Variants in AHNAK2 observed in about 807,000 individuals in gnomAD.
AHNAK2 encodes AHNAK nucleoprotein 2.
A neutral mutation model predicts 30.7 loss-of-function variants in AHNAK2; 18 were observed. That is an observed-to-expected ratio of 0.59 (90% CI 0.41 to 0.87). The LOEUF (loss-of-function observed/expected upper bound fraction) is 0.87. AHNAK2 is among the 40% of genes least tolerant of loss of function. AHNAK2 has a pLI of 0.00. For missense variants in AHNAK2, 8,604 were observed against 7,373.0 expected (o/e 1.17, Z -6.11); for synonymous variants, 3,590 against 3,073.8 (o/e 1.17, Z -5.56).
In AHNAK2 at chr14:104,944,193, G is replaced by C. The variant is rs1462925875; in HGVS notation, c.11258C>G (p.Ser3753Cys). The stretch of plus-strand genomic sequence containing the variant: ...ATCAGGGGCTGTGACTTCCGCCTTG[G>C]AGACTTTTAGGTCCAGCTTGGGGCC... ...IKGPKLDLKV[S>C]KAEVTAPDVE... is the part of the protein sequence containing the mutation. Residue 3753 changes from serine (S) to cysteine (C), a missense_variant, in exon 7 of 7, where the codon TCC becomes TGC. Physicochemically the swap from Ser to Cys is moderately radical, Grantham distance 112. Coordinates refer to ENST00000333244, the MANE Select transcript of AHNAK2 (RefSeq NM_138420.4). 2 of 1,613,158 alleles carry C rather than the reference G, an allele frequency of 1.2e-6. No individual in the cohort carries two copies. The highest frequency in any genetic ancestry group is 1.7e-6 in the Non-Finnish European group (2 of 1,179,656).
Position 104,954,048 on chromosome 14 carries a change from C to T in AHNAK2, c.1403G>A (p.Arg468Lys), listed in dbSNP as rs764057938. The part of the protein sequence containing the change: ...LEIGIARLSL[R>K]DTTEGGTQIG... ...CTGTGTGCCTCCTTCGGTTGTGTCT[C>T]TCAAGGACAGTCTGGCGATCCCGAT... The change falls in exon 7 of 7, where the codon AGA becomes AAA. Residue 468 changes from arginine (R) to lysine (K), a missense_variant. Coordinates refer to ENST00000333244, the MANE Select transcript of AHNAK2 (RefSeq NM_138420.4). The surrounding 1 kb of genome is among the most constrained non-coding windows in gnomAD (Gnocchi z 4.3). 5 of 1,613,462 alleles carry T rather than the reference C, an allele frequency of 3.1e-6. No individual in the cohort carries two copies. The South Asian group carries it at 5.5e-5, about 18-fold the overall frequency.
intron 1 of AHNAK2, among the ~76,000 whole-genome samples, chr14:104,972,635 T>C (rs1460336639): frequency 1.3e-5 from 2 of 152,204 alleles, no homozygotes; most frequent in Non-Finnish European, 2.9e-5. Context: ...GCGGCCAGTG[T>C]GGTCCGCCAA....
rs1897840106 is a variant in AHNAK2 at position 104,937,495 on chromosome 14, A to G, written c.*568T>C. ...ACTGGCCATCACCCTTTTGCCCAGCATGTGTGCATTGTCACCCAAAACATC... is the reference window on the plus strand; with the variant it reads ...ACTGGCCATCACCCTTTTGCCCAGCGTGTGTGCATTGTCACCCAAAACATC... On this transcript the variant is annotated 3_prime_UTR_variant, in exon 7 of 7. Transcript: ENST00000333244. The G allele has an allele frequency of 6.6e-6, 1 of 152,354 alleles. No homozygotes were observed. The highest frequency in any genetic ancestry group is 2.4e-5 in the African/African-American group (1 of 41,318). 9.4% of individuals were successfully genotyped at this position (152,354 alleles called of 1,614,324 possible).
chr14:104,947,093 C>T lies in AHNAK2; in HGVS notation c.8358G>A (p.Pro2786=), dbSNP rs779137823. 52 of 1,612,304 alleles carry T rather than the reference C, an allele frequency of 3.2e-5. No individual in the cohort carries two copies. The Admixed American group carries it at 4.5e-4, about 14-fold the overall frequency. ...GCCGCGCACCATCCAGCTTTGCTCT[C>T]GGGGCCTGGACGTCCACCTCCATGC... ...LSSMEVDVQA[P]RAKLDGARLE... Residue 2786 remains proline (P), a synonymous_variant, in exon 7 of 7, where the codon CCG becomes CCA. Coordinates refer to ENST00000333244, the MANE Select transcript of AHNAK2 (RefSeq NM_138420.4).
chr14:104,946,108 C>T lies in AHNAK2; in HGVS notation c.9343G>A (p.Ala3115Thr), dbSNP rs779220489. ...GCACCATCCAACTTGGCTCCTGGGG[C>T]CTCGACATCCACCTCCATGCCGGGC... ...SQPGMEVDVE[A>T]PGAKLDGARL... The change falls in exon 7 of 7, where the codon GCC (alanine) becomes ACC (threonine). Residue 3115 changes from alanine (A) to threonine (T), a missense_variant. Coordinates refer to ENST00000333244, the MANE Select transcript of AHNAK2 (RefSeq NM_138420.4). The T allele has an allele frequency of 1.7e-5, 28 of 1,611,728 alleles. No homozygotes were observed. The South Asian group carries it at 3.1e-4, about 18-fold the overall frequency.
chr14:104,978,162 T>C lies in AHNAK2; in HGVS notation c.55+21A>G, dbSNP rs377297343. 6.5e-4 allele frequency: 788 copies of C among 1,209,850 alleles called. 3 individuals are homozygous for C. In the African/African-American group the frequency reaches 0.012, roughly 18 times the overall value. The allele number at this position is 1,209,850 out of a possible 1,614,324, so 74.9% of individuals were successfully genotyped here. On this transcript the variant is annotated intron_variant, in intron 1 of 6. Transcript: ENST00000333244. ...GCCCACCCGCCCCAGGGGAGCGGGC[T>C]GCAGGCGGGGAGGGGCGCACCGCTG...
Position 104,941,981 on chromosome 14 carries a change from C to T in AHNAK2, c.13470G>A (p.Ala4490=), listed in dbSNP as rs140488260. The change falls in exon 7 of 7, where the codon GCG becomes GCA. Residue 4490 remains alanine (A), a synonymous_variant. Coordinates refer to ENST00000333244, the MANE Select transcript of AHNAK2 (RefSeq NM_138420.4). ...KSIEVSVDVS[A]PKMEADMSIP... Reference sequence around the variant, plus strand: ...TGCTCATGTCGGCCTCCATCTTTGGCGCAGACACATCCACCGAGACCTCGA... The same window carrying T: ...TGCTCATGTCGGCCTCCATCTTTGGTGCAGACACATCCACCGAGACCTCGA... 611 of 1,612,682 alleles carry T rather than the reference C, an allele frequency of 3.8e-4. 2 individuals are homozygous for T. The African/African-American group carries it at 3.8e-3, about 10-fold the overall frequency.
chr14:104,976,083 G>A (rs1040511448), intron 1 of AHNAK2, among the ~76,000 whole-genome samples: 4 of 152,298 alleles, frequency 2.6e-5, no homozygotes, highest in East Asian at 1.9e-4. Flanking sequence ...AGGCCACACC[G>A]GGGCAGCAGG....
Position 104,948,041 on chromosome 14 carries a change from A to C in AHNAK2, c.7410T>G (p.Ser2470=). The C allele has an allele frequency of 6.2e-7, 1 of 1,609,004 alleles. No homozygotes were observed. ...LDGAWLEGDL[S]VADKDVTTKD... is the part of the protein sequence containing the mutation. ...TGGTAGTCACATCCTTGTCCGCCAC[A>C]GACAGGTCCCCCTCCAGCCACGCAC... Residue 2470 remains serine (S), a synonymous_variant, in exon 7 of 7, where the codon TCT becomes TCG. Coordinates refer to ENST00000333244, the MANE Select transcript of AHNAK2 (RefSeq NM_138420.4).
chr14:104,938,172 G>T lies in AHNAK2; in HGVS notation c.17279C>A (p.Ser5760Tyr). 6.2e-7 allele frequency: 1 copy of T among 1,613,886 alleles called. No individual in the cohort carries two copies. Residue 5760 changes from serine to tyrosine, a missense_variant, in exon 7 of 7, where the codon TCC (serine) becomes TAC (tyrosine). By Grantham distance (144) the Ser-to-Tyr change is moderately radical. Transcript: ENST00000333244. Reference protein sequence around the residue: ...LIGPVGTGLDSRVMVTSAART... With the variant: ...LIGPVGTGLDYRVMVTSAART... ...TGCCGCGGATGTCACCATCACTCTGGAGTCCAGCCCAGTGCCCACAGGCCC... is the reference window on the plus strand; with the variant it reads ...TGCCGCGGATGTCACCATCACTCTGTAGTCCAGCCCAGTGCCCACAGGCCC...
At position 104,938,156 on chromosome 14, in the gene AHNAK2, T is replaced by C; in HGVS notation, c.17295A>G (p.Thr5765=). ...GTGLDSRVMV[T]SAARTELILP... ...GGATTAACTCTGTTCTTGCCGCGGA[T>C]GTCACCATCACTCTGGAGTCCAGCC... Residue 5765 remains threonine, a synonymous_variant, in exon 7 of 7, where the codon ACA becomes ACG. Coordinates refer to ENST00000333244, the MANE Select transcript of AHNAK2 (RefSeq NM_138420.4). 2 of 1,613,990 alleles carry C rather than the reference T, an allele frequency of 1.2e-6. No individual in the cohort carries two copies. The highest frequency in any genetic ancestry group is 2.7e-5 in the African/African-American group (2 of 75,048).
In AHNAK2 at chr14:104,953,441, G is replaced by A. The variant is rs569679436; in HGVS notation, c.2010C>T (p.Thr670=). ...TGGGCATTTTGAACTTGCTGTCTTTGGTGGCCACTTCCTTTTCTGTCAGAA... is the reference window on the plus strand; with the variant it reads ...TGGGCATTTTGAACTTGCTGTCTTTAGTGGCCACTTCCTTTTCTGTCAGAA... The part of the protein sequence containing the change: ...EQILTEKEVA[T]KDSKFKMPKF... Residue 670 remains threonine, a synonymous_variant, in exon 7 of 7, where the codon ACC becomes ACT. Coordinates refer to ENST00000333244, the MANE Select transcript of AHNAK2 (RefSeq NM_138420.4). 1.9e-6 allele frequency: 3 copies of A among 1,614,010 alleles called. No individual in the cohort carries two copies. The highest frequency in any genetic ancestry group is 2.7e-5 in the African/African-American group (2 of 75,046).
Position 104,948,834 on chromosome 14 carries a change from A to T in AHNAK2, c.6617T>A (p.Leu2206His), listed in dbSNP as rs201552064. ...LKTTDLSIQP[L>H]SADVKVQAGQ... ...AGCCTGGACCTTCACGTCGGCGGAA[A>T]GGGGCTGAATGCTGAGGTCAGTGGT... The change falls in exon 7 of 7, where the codon CTT (leucine) becomes CAT (histidine). Residue 2206 changes from leucine to histidine, a missense_variant. Coordinates refer to ENST00000333244, the MANE Select transcript of AHNAK2 (RefSeq NM_138420.4). 26 of 1,580,424 alleles carry T rather than the reference A, an allele frequency of 1.6e-5. 1 individual carries two copies. In the African/African-American group the frequency reaches 3.2e-4, roughly 19 times the overall value.
Position 104,942,886 on chromosome 14 carries a change from C to T in AHNAK2, c.12565G>A (p.Asp4189Asn), listed in dbSNP as rs371196106. The T allele has an allele frequency of 4.3e-5, 70 of 1,612,744 alleles. No individual in the cohort carries two copies. In the African/African-American group the frequency reaches 6.8e-4, roughly 16 times the overall value. Residue 4189 changes from aspartate (D) to asparagine (N), a missense_variant, in exon 7 of 7, where the codon GAC becomes AAC. Physicochemically the swap from Asp to Asn is conservative, Grantham distance 23. Coordinates refer to ENST00000333244, the MANE Select transcript of AHNAK2 (RefSeq NM_138420.4). ...TDLSIQSPSA[D>N]LEVQAGQVDV... ...ACTTGGCCAGCCTGGACCTCCAGGT[C>T]GGCGGAAGGGGACTGAATGCTGAGG... is the stretch of plus-strand genomic sequence containing the variant.
Position 104,942,416 on chromosome 14 carries a change from G to C in AHNAK2, c.13035C>G (p.His4345Gln), listed in dbSNP as rs570431047. The change falls in exon 7 of 7, where the codon CAC (histidine) becomes CAG (glutamine). Residue 4345 changes from histidine (H) to glutamine (Q), a missense_variant. Transcript: ENST00000333244. ...CAGCGGAAGGGGGCTGAATGCTGAG[G>C]TGAGTGGTCTTCAGGTCCCCCTGCA... ...PSMQGDLKTTHLSIQPPSADL... is the reference protein window; with the variant it reads ...PSMQGDLKTTQLSIQPPSADL... The C allele has an allele frequency of 3.1e-6, 5 of 1,613,262 alleles. No individual in the cohort carries two copies. The African/African-American group carries it at 5.3e-5, about 17-fold the overall frequency.
chr14:104,945,368 A>T lies in AHNAK2; in HGVS notation c.10083T>A (p.Pro3361=). 6.2e-7 allele frequency: 1 copy of T among 1,611,614 alleles called. No homozygotes were observed. Among genetic ancestry groups the T allele is most frequent in the Non-Finnish European group, 8.5e-7 (1 of 1,179,160 alleles). Residue 3361 remains proline (P), a synonymous_variant, in exon 7 of 7, where the codon CCT becomes CCA. Transcript: ENST00000333244. ...CAGCCTGGACCTCCAGGTCCACAGAAGGGAGCTGAATGCTGAGGTCAGTGG... is the reference window on the plus strand; with the variant it reads ...CAGCCTGGACCTCCAGGTCCACAGATGGGAGCTGAATGCTGAGGTCAGTGG... The part of the protein sequence containing the change: ...LKTTDLSIQL[P]SVDLEVQAGQ...
Position 104,952,267 on chromosome 14 carries a change from C to T in AHNAK2, c.3184G>A (p.Val1062Met). 1 of 1,612,570 alleles carries T rather than the reference C, an allele frequency of 6.2e-7. No homozygotes were observed. Among genetic ancestry groups the T allele is most frequent in the Non-Finnish European group, 8.5e-7 (1 of 1,179,612 alleles). Residue 1062 changes from valine to methionine, a missense_variant, in exon 7 of 7, where the codon GTG (valine) becomes ATG (methionine). By Grantham distance (21) the Val-to-Met change is conservative. Coordinates refer to ENST00000333244, the MANE Select transcript of AHNAK2 (RefSeq NM_138420.4). Reference sequence around the variant, plus strand: ...TGGCCCTCCGGGAGCTTCACATCCACCTGGTCAGCCTGGACCTTCAGGTCA... The same window carrying T: ...TGGCCCTCCGGGAGCTTCACATCCATCTGGTCAGCCTGGACCTTCAGGTCA... ...STDLKVQADQ[V>M]DVKLPEGHLP...
chr14:104,942,599 C>A lies in AHNAK2; in HGVS notation c.12852G>T (p.Leu4284=), dbSNP rs1311197474. The change falls in exon 7 of 7, where the codon CTG becomes CTT. Residue 4284 remains leucine (L), a synonymous_variant. Transcript: ENST00000333244. ...CAGTCATGTCCTTGTCGGCTAGGGA[C>A]AGGTCACCCTCCAGCCGCACACTGT... ...KLDSVRLEGD[L]SLADKDMTAK... The A allele has an allele frequency of 6.2e-7, 1 of 1,613,148 alleles. No individual in the cohort carries two copies. The highest frequency in any genetic ancestry group is 2.2e-5 in the East Asian group (1 of 44,766).
chr14:104,945,485 G>A lies in AHNAK2; in HGVS notation c.9966C>T (p.Ala3322=). 2 of 1,613,364 alleles carry A rather than the reference G, an allele frequency of 1.2e-6. No individual in the cohort carries two copies. Among genetic ancestry groups the A allele is most frequent in the Non-Finnish European group, 1.7e-6 (2 of 1,179,724 alleles). The change falls in exon 7 of 7, where the codon GCC becomes GCT. Residue 3322 remains alanine, a synonymous_variant. Transcript: ENST00000333244. ...KFKMPSYRAS[A]PGKSIQASVD... ...CCGAGGCCTGGATGGACTTGCCTGG[G>A]GCAGACGCCCTGTACGACGGCATCT...
Sources: gnomAD v4.1 joint callset for allele counts (sites outside exome capture counted in the v4.1 genomes callset) on GRCh38, gnomAD v4.1.1 for gene constraint, Gnocchi (gnomAD v3.1) non-coding constraint, MANE v1.5 for transcripts, NCBI Gene and HGNC (gene_info 2026-07-23, HGNC 2026-07-21) for gene names.